KCNQ1OT1: variants seen among roughly 807,000 people sequenced by gnomAD.
The protein encoded by KCNQ1OT1 is KCNQ1 opposite strand/antisense transcript 1.
At position 2,674,879 on chromosome 11, in the gene KCNQ1OT1, C is replaced by A; in HGVS notation, n.25116G>T. 2.9e-6 allele frequency: 1 copy of A among 348,894 alleles called. No individual in the cohort carries two copies. 21.6% of individuals were successfully genotyped at this position (348,894 alleles called of 1,614,324 possible). A position where few individuals can be genotyped will look rare whatever the true frequency, so the allele number is the denominator to read the frequency against. ...AAAAAAAGCTCACTGGGCACCTTGG[C>A]TGCAGGGTCTGAAAAGTCCTTTGTG... On this transcript the variant is annotated non_coding_transcript_exon_variant, in exon 1 of 1. Coordinates refer to ENST00000597346, the Ensembl canonical transcript of KCNQ1OT1. This position sits in a 1 kb window ranked among gnomAD's most constrained non-coding sequence, Gnocchi z 5.9.
In KCNQ1OT1 at chr11:2,671,353, G is replaced by C; in HGVS notation, n.28642C>G. On this transcript the variant is annotated non_coding_transcript_exon_variant, in exon 1 of 1. Transcript: ENST00000597346. The surrounding 1 kb of genome is among the most constrained non-coding windows in gnomAD (Gnocchi z 4.7). ...AGAGGCTCCCTCTGAAGATGACACT[G>C]GGAATATCCTGAAAAAGGTACAGGA... is the stretch of plus-strand genomic sequence containing the variant. The C allele has an allele frequency of 2.5e-6, 1 of 398,564 alleles. No individual in the cohort carries two copies. Among genetic ancestry groups the C allele is most frequent in the African/African-American group, 2.1e-5 (1 of 48,728 alleles). 24.7% of individuals were successfully genotyped at this position (398,564 alleles called of 1,614,324 possible). A position where few individuals can be genotyped will look rare whatever the true frequency, so the allele number is the denominator to read the frequency against.
exon 1 of KCNQ1OT1, chr11:2,688,482 C>T (rs965837136): frequency 7.3e-5 from 29 of 398,616 alleles, no homozygotes; most frequent in Non-Finnish European, 1.1e-4. Flanking sequence ...GAGGCTCTGC[C>T]TCTGGTTGCC....
exon 1 of KCNQ1OT1, chr11:2,618,461 T>C (rs1849106527): frequency 2.5e-6 from 1 of 398,504 alleles, no homozygotes; most frequent in Non-Finnish European, 4.4e-6. Flanking sequence ...AGAGAGACTA[T>C]CTTTCTGCAT....
At position 2,674,544 on chromosome 11, in the gene KCNQ1OT1, C is replaced by T. The variant is rs1377977434; in HGVS notation, n.25451G>A. ...GCAAAGCCCATTCGGAGGATTTAGA[C>T]AAATACCTCGAGTGAGTGAATCTGA... On this transcript the variant is annotated non_coding_transcript_exon_variant, in exon 1 of 1. Transcript: ENST00000597346. This position sits in a 1 kb window ranked among gnomAD's most constrained non-coding sequence, Gnocchi z 5.9. The T allele has an allele frequency of 2.5e-6, 1 of 398,452 alleles. No individual in the cohort carries two copies. Among genetic ancestry groups the T allele is most frequent in the African/African-American group, 2.1e-5 (1 of 48,628 alleles). The allele number at this position is 398,452 out of a possible 1,614,324, so 24.7% of individuals were successfully genotyped here. A position where few individuals can be genotyped will look rare whatever the true frequency, so the allele number is the denominator to read the frequency against.
At position 2,642,401 on chromosome 11, in the gene KCNQ1OT1, G is replaced by C; in HGVS notation, n.57594C>G. On this transcript the variant is annotated non_coding_transcript_exon_variant, in exon 1 of 1. Coordinates refer to ENST00000597346, the Ensembl canonical transcript of KCNQ1OT1. The surrounding 1 kb of genome is among the most constrained non-coding windows in gnomAD (Gnocchi z 4.3). ...TAATGCCTTCTTGATTTCTTTCTCAGCTGGTTCTTTATTGGTATATAGAAA... is the reference window on the plus strand; with the variant it reads ...TAATGCCTTCTTGATTTCTTTCTCACCTGGTTCTTTATTGGTATATAGAAA... 5.0e-6 allele frequency: 2 copies of C among 397,948 alleles called. No homozygotes were observed. The allele number at this position is 397,948 out of a possible 1,614,324, so 24.7% of individuals were successfully genotyped here.
In KCNQ1OT1 at chr11:2,669,997, G is replaced by A. The variant is rs1850151657; in HGVS notation, n.29998C>T. On this transcript the variant is annotated non_coding_transcript_exon_variant, in exon 1 of 1. Transcript: ENST00000597346. This position sits in a 1 kb window ranked among gnomAD's most constrained non-coding sequence, Gnocchi z 5.6. The stretch of plus-strand genomic sequence containing the variant: ...GTCACAACCTCAAATCTCGGAATGG[G>A]GTTCAGGAGCTGTTGGGGTCCCGTG... 2.5e-6 allele frequency: 1 copy of A among 398,568 alleles called. No homozygotes were observed. Among genetic ancestry groups the A allele is most frequent in the Non-Finnish European group, 4.4e-6 (1 of 226,146 alleles). The allele number at this position is 398,568 out of a possible 1,614,324, so 24.7% of individuals were successfully genotyped here. A position where few individuals can be genotyped will look rare whatever the true frequency, so the allele number is the denominator to read the frequency against.
At position 2,677,135 on chromosome 11, in the gene KCNQ1OT1, C is replaced by G; in HGVS notation, n.22860G>C. On this transcript the variant is annotated non_coding_transcript_exon_variant, in exon 1 of 1. Coordinates refer to ENST00000597346, the Ensembl canonical transcript of KCNQ1OT1. The surrounding 1 kb of genome is among the most constrained non-coding windows in gnomAD (Gnocchi z 4.5). ...ATTAGTTTCCCTGAAACATCCCTCC[C>G]TATTGAACACTGTTGTTTCTCCCTA... 1 of 398,596 alleles carries G rather than the reference C, an allele frequency of 2.5e-6. No homozygotes were observed. Among genetic ancestry groups the G allele is most frequent in the East Asian group, 3.6e-5 (1 of 28,074 alleles). 24.7% of individuals were successfully genotyped at this position (398,596 alleles called of 1,614,324 possible). A position where few individuals can be genotyped will look rare whatever the true frequency, so the allele number is the denominator to read the frequency against.
At chr11:2,662,433 T>A (rs1849978284) in exon 1 of KCNQ1OT1, 1 of 267,890 alleles carries the variant, frequency 3.7e-6, no homozygotes, top group Non-Finnish European at 7.3e-6. Context: ...CATTTCCCCA[T>A]GGAACCCTGG....
chr11:2,673,909 C>T lies in KCNQ1OT1; in HGVS notation n.26086G>A, dbSNP rs1043683591. On this transcript the variant is annotated non_coding_transcript_exon_variant, in exon 1 of 1. Coordinates refer to ENST00000597346, the Ensembl canonical transcript of KCNQ1OT1. This position sits in a 1 kb window ranked among gnomAD's most constrained non-coding sequence, Gnocchi z 4.5. ...AGGAAGGGATGGGAGCTCAGCTCACCGGGTGCTAGACAAGGGAGTGTGTCT... is the reference window on the plus strand; with the variant it reads ...AGGAAGGGATGGGAGCTCAGCTCACTGGGTGCTAGACAAGGGAGTGTGTCT... The T allele has an allele frequency of 1.3e-5, 5 of 392,268 alleles. No individual in the cohort carries two copies. The highest frequency in any genetic ancestry group is 6.5e-5 in the African/African-American group (3 of 46,242). 24.3% of individuals were successfully genotyped at this position (392,268 alleles called of 1,614,324 possible). A position where few individuals can be genotyped will look rare whatever the true frequency, so the allele number is the denominator to read the frequency against.
chr11:2,662,239 A>G (rs1456776484), exon 1 of KCNQ1OT1: 26 of 887,982 alleles, frequency 2.9e-5, no homozygotes, highest in Non-Finnish European at 1.7e-5. Flanking sequence ...CGGAGGCACC[A>G]GGCAAGAGAG....
exon 1 of KCNQ1OT1, chr11:2,699,364 C>T (rs1850732951): frequency 2.5e-6 from 1 of 399,234 alleles, no homozygotes. Context: ...CCGCGCCGTC[C>T]GCCCAGGTCC....
exon 1 of KCNQ1OT1, chr11:2,629,550 G>T (rs1022240356): frequency 1.0e-5 from 4 of 398,388 alleles, no homozygotes; most frequent in Admixed American, 8.8e-5. Context: ...CTCACGTGAG[G>T]ATATCCAGTT....
chr11:2,638,145 G>C (rs1429298297), exon 1 of KCNQ1OT1: 2 of 152,164 alleles, frequency 1.3e-5, no homozygotes, highest in African/African-American at 4.8e-5. Flanking sequence ...TTGCCAGTCT[G>C]TGTCTTTTAA....
exon 1 of KCNQ1OT1, chr11:2,648,230 CATTG>C (rs1849697729): frequency 5.0e-6 from 2 of 398,634 alleles, no homozygotes; most frequent in South Asian, 1.3e-4. Context: ...GGCCTCATTT[CATTG>C]ATCTTTTGTC....
In KCNQ1OT1 at chr11:2,645,782, A is replaced by T. The variant is rs1016551881; in HGVS notation, n.54213T>A. 2 of 398,610 alleles carry T rather than the reference A, an allele frequency of 5.0e-6. No homozygotes were observed. The highest frequency in any genetic ancestry group is 4.1e-5 in the African/African-American group (2 of 48,608). 24.7% of individuals were successfully genotyped at this position (398,610 alleles called of 1,614,324 possible). A position where few individuals can be genotyped will look rare whatever the true frequency, so the allele number is the denominator to read the frequency against. On this transcript the variant is annotated non_coding_transcript_exon_variant, in exon 1 of 1. Coordinates refer to ENST00000597346, the Ensembl canonical transcript of KCNQ1OT1. This position sits in a 1 kb window ranked among gnomAD's most constrained non-coding sequence, Gnocchi z 5.8. Reference sequence around the variant, plus strand: ...TAGAGGGATGTGGGGCCCACAGCAGATGCAGTCTGGTGGGGGTTGGGCTAT... The same window carrying T: ...TAGAGGGATGTGGGGCCCACAGCAGTTGCAGTCTGGTGGGGGTTGGGCTAT...
chr11:2,614,594 T>C (rs935581708), exon 1 of KCNQ1OT1: 8 of 398,412 alleles, frequency 2.0e-5, no homozygotes, highest in Middle Eastern at 6.2e-4. Context: ...TTCTTTGATA[T>C]ATGAGGATCC....
In KCNQ1OT1 at chr11:2,690,161, G is replaced by A. The variant is rs576175386; in HGVS notation, n.9834C>T. Reference sequence around the variant, plus strand: ...GCGGGCAGCCCTCCCCAGCATGACAGGATGTGGAAGGCTGGTCTCTCCAGA... The same window carrying A: ...GCGGGCAGCCCTCCCCAGCATGACAAGATGTGGAAGGCTGGTCTCTCCAGA... On this transcript the variant is annotated non_coding_transcript_exon_variant, in exon 1 of 1. Coordinates refer to ENST00000597346, the Ensembl canonical transcript of KCNQ1OT1. This position sits in a 1 kb window ranked among gnomAD's most constrained non-coding sequence, Gnocchi z 5.1. The A allele has an allele frequency of 7.5e-6, 3 of 398,844 alleles. No individual in the cohort carries two copies. In the South Asian group the frequency reaches 3.8e-4, roughly 51 times the overall value. 24.7% of individuals were successfully genotyped at this position (398,844 alleles called of 1,614,324 possible). A position where few individuals can be genotyped will look rare whatever the true frequency, so the allele number is the denominator to read the frequency against.
Position 2,653,782 on chromosome 11 carries a change from C to T in KCNQ1OT1, n.46213G>A. On this transcript the variant is annotated non_coding_transcript_exon_variant, in exon 1 of 1. Transcript: ENST00000597346. This position sits in a 1 kb window ranked among gnomAD's most constrained non-coding sequence, Gnocchi z 5.3. ...AGCTGGGGTACAAGCCATCCTTGGA[C>T]CTGCAGCTGTACCTCCGATGGCTGA... is the stretch of plus-strand genomic sequence containing the variant. The T allele has an allele frequency of 2.5e-6, 1 of 398,632 alleles. No homozygotes were observed. Among genetic ancestry groups the T allele is most frequent in the Non-Finnish European group, 4.4e-6 (1 of 226,088 alleles). The allele number at this position is 398,632 out of a possible 1,614,324, so 24.7% of individuals were successfully genotyped here. A position where few individuals can be genotyped will look rare whatever the true frequency, so the allele number is the denominator to read the frequency against.
rs1195332885 is a variant in KCNQ1OT1, at chr11:2,698,764, G to T, written n.1231C>A. On this transcript the variant is annotated non_coding_transcript_exon_variant, in exon 1 of 1. Coordinates refer to ENST00000597346, the Ensembl canonical transcript of KCNQ1OT1. The surrounding 1 kb of genome is among the most constrained non-coding windows in gnomAD (Gnocchi z 5.1). The stretch of plus-strand genomic sequence containing the variant: ...GATCTCAACTCAGAGCCATGATGCA[G>T]ACTCCAGACCGGGATTCAGGTCCCC... The T allele has an allele frequency of 5.0e-6, 2 of 398,702 alleles. No homozygotes were observed. The highest frequency in any genetic ancestry group is 4.4e-6 in the Non-Finnish European group (1 of 226,146). 24.7% of individuals were successfully genotyped at this position (398,702 alleles called of 1,614,324 possible).
Sources: allele counts gnomAD v4.1 joint callset, GRCh38; gene constraint gnomAD v4.1.1; non-coding constraint Gnocchi (gnomAD v3.1); transcripts MANE v1.5; gene names NCBI Gene and HGNC (gene_info 2026-07-23, HGNC 2026-07-21).